SCN11A: variants seen among roughly 807,000 people sequenced by gnomAD.
SCN11A encodes sodium channel protein type 11 subunit alpha.
A neutral mutation model predicts 162.2 loss-of-function variants in SCN11A; 122 were observed. The observed-to-expected ratio is 0.75, with a 90% CI of 0.65 to 0.87. SCN11A has a LOEUF of 0.87. Among genes scored for constraint, SCN11A ranks in the 40% least tolerant of loss-of-function variants. The pLI, the probability that SCN11A is intolerant of heterozygous loss-of-function variation, is 0.00. For synonymous variants in SCN11A, 758 were observed against 751.5 expected, an observed-to-expected ratio of 1.01 and a Z score of -0.14; for missense variants, 2,015 against 2,181.6, an observed-to-expected ratio of 0.92 and a Z score of 1.52.
chr3:38,998,429 G>T (rs1211734940), intron 2 of SCN11A, among the ~76,000 whole-genome samples: 1 of 152,190 alleles, frequency 6.6e-6, no homozygotes, highest in Non-Finnish European at 1.5e-5. Context: ...TTTATGTCTA[G>T]TGGGCTTTGT....
chr3:39,047,107 A>G (rs1056518922), intron 1 of SCN11A, among the ~76,000 whole-genome samples: 1 of 133,682 alleles, frequency 7.5e-6, no homozygotes, highest in African/African-American at 2.8e-5. Context: ...TATGTTTCCC[A>G]GGCTGGAGTG....
chr3:39,018,819 A>AAAAT (rs752906931), intron 2 of SCN11A, among the ~76,000 whole-genome samples: 20 of 152,108 alleles, frequency 1.3e-4, no homozygotes, highest in East Asian at 3.9e-4. Flanking sequence ...CACTGTCTCA[A>AAAAT]AAATAAATAA....
chr3:38,908,649 T>G (rs930907821), intron 13 of SCN11A, among the ~76,000 whole-genome samples: 3 of 152,024 alleles, frequency 2.0e-5, no homozygotes, highest in African/African-American at 7.2e-5. Flanking sequence ...AACACAAACA[T>G]CTCCAGATTT....
intron 3 of SCN11A, among the ~76,000 whole-genome samples, chr3:38,954,463 T>C (rs2066657645): frequency 6.6e-6 from 1 of 152,124 alleles, no homozygotes; most frequent in Admixed American, 6.6e-5. Context: ...GCCATCCTAA[T>C]GGGGCGATTA....
intron 2 of SCN11A, among the ~76,000 whole-genome samples, chr3:39,017,389 C>A (rs2031321967): frequency 6.6e-6 from 1 of 152,204 alleles, no homozygotes; most frequent in South Asian, 2.1e-4. Flanking sequence ...TACATTGTTT[C>A]GAACAAGAAA....
chr3:38,961,866 T>C (rs1436826460), intron 2 of SCN11A, among the ~76,000 whole-genome samples: 2 of 152,230 alleles, frequency 1.3e-5, no homozygotes, highest in African/African-American at 4.8e-5. Context: ...AGCTCTTTAG[T>C]TTAATTAGGT....
intron 2 of SCN11A, among the ~76,000 whole-genome samples, chr3:39,021,418 T>C (rs1305062588): frequency 6.6e-6 from 1 of 152,060 alleles, no homozygotes; most frequent in East Asian, 1.9e-4. Flanking sequence ...TTTTGACAGC[T>C]CTCAAGGCCA....
At chr3:39,003,268 G>T (rs796951062) in intron 2 of SCN11A, among the ~76,000 whole-genome samples, 54 of 152,280 alleles carry the variant, frequency 3.5e-4, no homozygotes, top group African/African-American at 1.2e-3. Context: ...ACTTACAGGT[G>T]AGAACATGCA....
intron 1 of SCN11A, among the ~76,000 whole-genome samples, chr3:39,040,975 G>A (rs1261972588): frequency 4.6e-5 from 7 of 152,196 alleles, no homozygotes; most frequent in South Asian, 4.1e-4. Flanking sequence ...CCAGCTACTC[G>A]GGAGGCTGAG....
At chr3:38,980,286 T>C (rs968026163) in intron 2 of SCN11A, among the ~76,000 whole-genome samples, 2 of 151,860 alleles carry the variant, frequency 1.3e-5, no homozygotes, top group Admixed American at 6.6e-5. Flanking sequence ...TTACATTACA[T>C]GGATCCTGGG....
At chr3:39,024,367 A>T (rs1199320558) in intron 2 of SCN11A, among the ~76,000 whole-genome samples, 1 of 152,254 alleles carries the variant, frequency 6.6e-6, no homozygotes, top group Non-Finnish European at 1.5e-5. Flanking sequence ...GGTATGGGGC[A>T]GGACCCTTTG....
intron 2 of SCN11A, among the ~76,000 whole-genome samples, chr3:39,005,820 C>T (rs2125600458): frequency 6.6e-6 from 1 of 152,270 alleles, no homozygotes; most frequent in East Asian, 1.9e-4. Context: ...CTAATTTTTT[C>T]CCCTCATTCT....
chr3:38,925,586 A>T (rs1280194699), intron 8 of SCN11A, 77 bp from the exon 9 acceptor site: 1 of 1,011,064 alleles, frequency 9.9e-7, no homozygotes, highest in East Asian at 2.5e-5. Flanking sequence ...AAAAGCCACA[A>T]GTAAGCTCAG....
At chr3:38,945,638 T>C (rs1232430243) in intron 6 of SCN11A, 126 bp from the exon 7 acceptor site, 1 of 567,696 alleles carries the variant, frequency 1.8e-6, no homozygotes, top group Non-Finnish European at 3.0e-6. Context: ...ACTGTGAATG[T>C]TGGATGAGAA....
intron 2 of SCN11A, among the ~76,000 whole-genome samples, chr3:38,966,566 T>A (rs1028248946): frequency 6.6e-6 from 1 of 152,244 alleles, no homozygotes; most frequent in Non-Finnish European, 1.5e-5. Context: ...TCTGGGCCGG[T>A]ATCCATCACC....
At chr3:39,022,229 C>T (rs1369060743) in intron 2 of SCN11A, among the ~76,000 whole-genome samples, 1 of 152,170 alleles carries the variant, frequency 6.6e-6, no homozygotes, top group East Asian at 1.9e-4. Flanking sequence ...CATGGAGAGG[C>T]GTGAAGCTCA....
At chr3:38,948,157 G>A (rs575017503) in intron 5 of SCN11A, among the ~76,000 whole-genome samples, 31 of 152,268 alleles carry the variant, frequency 2.0e-4, no homozygotes, top group African/African-American at 7.2e-4. Flanking sequence ...TTAAAAATAT[G>A]AGCCAGGAGC....
At chr3:39,012,472 CTCTT>C (rs1159368457) in intron 2 of SCN11A, among the ~76,000 whole-genome samples, 8 of 144,550 alleles carry the variant, frequency 5.5e-5, no homozygotes, top group South Asian at 2.1e-4. Flanking sequence ...CTTTCTCTCT[CTCTT>C]TCTCTCTTTC....
At chr3:38,881,496 T>C (rs2065308682) in intron 22 of SCN11A, among the ~76,000 whole-genome samples, 2 of 152,136 alleles carry the variant, frequency 1.3e-5, no homozygotes, top group Non-Finnish European at 2.9e-5. Context: ...TACCTGCAAT[T>C]GAGCTTCAGA....
Sources: allele counts gnomAD v4.1 joint callset (sites outside exome capture counted in the v4.1 genomes callset), GRCh38; gene constraint gnomAD v4.1.1; transcripts MANE v1.5; gene names NCBI Gene and HGNC (gene_info 2026-07-23, HGNC 2026-07-21).